ATE1: variants seen among roughly 807,000 people sequenced by gnomAD.
ATE1 encodes arginyltransferase 1.
Under a neutral mutation model 70.5 loss-of-function variants are expected in ATE1, and 36 were observed. The ratio of observed to expected loss-of-function variants is 0.51; its 90% confidence interval spans 0.39 to 0.67. The LOEUF (loss-of-function observed/expected upper bound fraction) is 0.67. Ranked by LOEUF, ATE1 falls within the 30% of genes least tolerant of loss-of-function variation. The pLI is 0.00. For missense variants in ATE1, 593 were observed against 629.5 expected (o/e 0.94, Z 0.62); for synonymous variants, 232 against 219.3 (o/e 1.06, Z -0.51).
chr10:121,879,872 A>G (rs1273864644), intron 7 of ATE1, among the ~76,000 whole-genome samples: 1 of 152,146 alleles, frequency 6.6e-6, no homozygotes, highest in Non-Finnish European at 1.5e-5. Flanking sequence ...TCCAGCACAT[A>G]CCATTTGTGA....
At chr10:121,913,454 T>C (rs949712322) in intron 4 of ATE1, among the ~76,000 whole-genome samples, 1 of 152,222 alleles carries the variant, frequency 6.6e-6, no homozygotes, top group Non-Finnish European at 1.5e-5. Context: ...TGAGAGACAA[T>C]GGCACTTTCT....
intron 11 of ATE1, among the ~76,000 whole-genome samples, chr10:121,777,359 T>C (rs886811907): frequency 6.6e-6 from 1 of 152,224 alleles, no homozygotes; most frequent in African/African-American, 2.4e-5. Context: ...GAGCAATATC[T>C]AAAATTCAAC....
In ATE1 at chr10:121,826,103, AC is replaced by A. The variant is rs563048764; in HGVS notation, c.1257+10614del. ...TGCTATGATTCCACTTTTTTGAGGT[AC>A]CTAGAATAGTCAAATTCTTAGGGGT... On this transcript the variant is annotated intron_variant, in intron 10 of 11. Coordinates refer to ENST00000224652, the MANE Select transcript of ATE1 (RefSeq NM_001001976.3). Among the ~76,000 whole-genome samples, 9 of 152,296 alleles carry A rather than the reference AC, an allele frequency of 5.9e-5. No homozygotes were observed. The East Asian group carries it at 1.5e-3, about 26-fold the overall frequency.
intron 11 of ATE1, among the ~76,000 whole-genome samples, chr10:121,762,358 G>C (rs1321762718): frequency 6.6e-6 from 1 of 152,146 alleles, no homozygotes; most frequent in Non-Finnish European, 1.5e-5. Context: ...ACTACCATGT[G>C]TAGATTCAAT....
At position 121,899,924 on chromosome 10, in the gene ATE1, T is replaced by C. The variant is rs373331175; in HGVS notation, c.884A>G (p.Tyr295Cys). 2 of 1,614,106 alleles carry C rather than the reference T, an allele frequency of 1.2e-6. No individual in the cohort carries two copies. The highest frequency in any genetic ancestry group is 1.7e-6 in the Non-Finnish European group (2 of 1,179,966). ...GTGAATAACCATCTGGTAACGTTTA[T>C]AGACCTGGTAAGACTCCAGAAGTGT... ...KATLLESYQV[Y>C]KRYQMVIHKN... is the part of the protein sequence containing the mutation. Residue 295 changes from tyrosine to cysteine, a missense_variant, in exon 7 of 12, where the codon TAT (tyrosine) becomes TGT (cysteine). Tyr to Cys is a radical substitution (Grantham distance 194). Around this residue, in one of 3 missense-constraint regions of ATE1, gnomAD observed 467 missense variants for 469.6 expected, o/e 0.99. Coordinates refer to ENST00000224652, the MANE Select transcript of ATE1 (RefSeq NM_001001976.3).
intron 3 of ATE1, among the ~76,000 whole-genome samples, chr10:121,921,606 G>A (rs925965752): frequency 2.6e-5 from 4 of 151,958 alleles, no homozygotes; most frequent in African/African-American, 9.7e-5. Flanking sequence ...GCCTGAGTAG[G>A]CCTGAACTGC....
At chr10:121,775,931 T>C (rs1336127080) in intron 11 of ATE1, among the ~76,000 whole-genome samples, 1 of 152,234 alleles carries the variant, frequency 6.6e-6, no homozygotes, top group East Asian at 1.9e-4. Context: ...AATACTCTAA[T>C]ACACCTTCCC....
chr10:121,884,001 GAGTCTAAGGC>G (rs751484812), intron 7 of ATE1, among the ~76,000 whole-genome samples: 17 of 148,178 alleles, frequency 1.1e-4, no homozygotes, highest in Middle Eastern at 3.5e-3. Flanking sequence ...AGCTACTGGG[GAGTCTAAGGC>G]AGAAGAATTG....
intron 9 of ATE1, 81 bp downstream of exon 9, chr10:121,841,001 T>C: frequency 1.6e-6 from 2 of 1,230,906 alleles, no homozygotes; most frequent in Non-Finnish European, 2.1e-6. Flanking sequence ...CTTCTACTGT[T>C]ACATAATTAA....
At chr10:121,908,796 C>CA (rs1951305573) in intron 5 of ATE1, among the ~76,000 whole-genome samples, 1 of 152,018 alleles carries the variant, frequency 6.6e-6, no homozygotes, top group Non-Finnish European at 1.5e-5. Flanking sequence ...TGCCCCACGG[C>CA]AAAAAAATAG....
chr10:121,896,403 G>A (rs568787645), intron 7 of ATE1, among the ~76,000 whole-genome samples: 3 of 152,316 alleles, frequency 2.0e-5, no homozygotes, highest in African/African-American at 7.2e-5. Flanking sequence ...GATTAAACAA[G>A]AATGGCAGCA....
At chr10:121,921,653 G>A (rs932012830) in intron 3 of ATE1, among the ~76,000 whole-genome samples, 1 of 152,048 alleles carries the variant, frequency 6.6e-6, no homozygotes, top group African/African-American at 2.4e-5. Flanking sequence ...TATGGGATAA[G>A]CCCAGGCAAA....
intron 7 of ATE1, among the ~76,000 whole-genome samples, chr10:121,887,074 CA>C: frequency 6.6e-6 from 1 of 152,202 alleles, no homozygotes; most frequent in Non-Finnish European, 1.5e-5. Context: ...ATGAAAATTA[CA>C]ATAAATGATA....
At chr10:121,911,225 G>GGATAATAGGAACATTGTAT in intron 4 of ATE1, 74 bp from the exon 5 acceptor site, 1 of 1,525,180 alleles carries the variant, frequency 6.6e-7, no homozygotes, top group Non-Finnish European at 8.8e-7. Context: ...GAAATACAAT[G>GGATAATAGGAACATTGTAT]TTCCTATTAT....
intron 11 of ATE1, among the ~76,000 whole-genome samples, chr10:121,754,862 C>T (rs1049959037): frequency 6.6e-6 from 1 of 152,206 alleles, no homozygotes; most frequent in Admixed American, 6.5e-5. Flanking sequence ...TGAATTAACA[C>T]TGTATACCTC....
At position 121,899,974 on chromosome 10, in the gene ATE1, A is replaced by G. The variant is rs1164507112; in HGVS notation, c.834T>C (p.Ser278=). 2.5e-6 allele frequency: 4 copies of G among 1,613,872 alleles called. No homozygotes were observed. The highest frequency in any genetic ancestry group is 3.4e-6 in the Non-Finnish European group (4 of 1,179,832). ...TGGCTTTGAACTGCGAACTTGGTGGAGATGATCTCACCACCCTCACCTTCA... is the reference window on the plus strand; with the variant it reads ...TGGCTTTGAACTGCGAACTTGGTGGGGATGATCTCACCACCCTCACCTTCA... ...HKLEVRVVRS[S]PPSSQFKATL... is the part of the protein sequence containing the mutation. Residue 278 remains serine, a synonymous_variant, in exon 7 of 12, where the codon TCT becomes TCC. Transcript: ENST00000224652.
In ATE1 at chr10:121,814,343, C is replaced by T. The variant is rs118047687; in HGVS notation, c.1257+22375G>A. ...GCAAAGGAATCTGGATTTAAGAGAG[C>T]TATATGAAACACCACAGATTTTCTA... On this transcript the variant is annotated intron_variant, in intron 10 of 11. Transcript: ENST00000224652. Among the ~76,000 whole-genome samples, 518 of 152,234 alleles carry T rather than the reference C, an allele frequency of 3.4e-3. 2 individuals are homozygous for T. The highest frequency in any genetic ancestry group is 5.9e-3 in the Non-Finnish European group (400 of 68,024).
chr10:121,803,828 C>T (rs78587007), intron 10 of ATE1, among the ~76,000 whole-genome samples: 2,557 of 152,302 alleles, frequency 0.017, 71 homozygotes, highest in African/African-American at 0.057. Context: ...TTAGCTTTAA[C>T]CTCATATTTA....
intron 8 of ATE1, among the ~76,000 whole-genome samples, chr10:121,866,557 TA>T (rs1238673749): frequency 1.3e-5 from 2 of 152,082 alleles, no homozygotes; most frequent in Non-Finnish European, 2.9e-5. Flanking sequence ...TTTAAAAGTA[TA>T]TATTTGTGGC....
Sources: allele counts gnomAD v4.1 joint callset (sites outside exome capture counted in the v4.1 genomes callset), GRCh38; gene constraint gnomAD v4.1.1; regional missense constraint gnomAD v4.1.1; transcripts MANE v1.5; gene names NCBI Gene and HGNC (gene_info 2026-07-23, HGNC 2026-07-21).